The following RNF152 variants were observed in gnomAD, a reference collection of about 807,000 sequenced individuals.
RNF152 encodes the protein ring finger protein 152.
In RNF152, 11 loss-of-function variants were observed where a neutral mutation model predicts 12.7. The ratio of observed to expected loss-of-function variants is 0.86; its 90% CI spans 0.54 to 1.43. The LOEUF (loss-of-function observed/expected upper bound fraction) is 1.43. Among genes scored for constraint, RNF152 ranks in the 40% most tolerant of loss-of-function variants. The pLI, the probability that RNF152 is intolerant of heterozygous loss-of-function variation, is 0.00. For synonymous variants in RNF152, 113 were observed against 120.3 expected, an observed-to-expected ratio of 0.94 and a Z score of 0.40; for missense variants, 255 against 274.8, an observed-to-expected ratio of 0.93 and a Z score of 0.51.
chr18:61,863,625 T>G (rs1288503678), intron 1 of RNF152, among the ~76,000 whole-genome samples: 1 of 152,226 alleles, frequency 6.6e-6, no homozygotes, highest in East Asian at 1.9e-4. Context: ...TGTCTCCTTT[T>G]GTGCTTCTCA....
chr18:61,830,895 G>C (rs1909910443), intron 1 of RNF152, among the ~76,000 whole-genome samples: 1 of 152,198 alleles, frequency 6.6e-6, no homozygotes, highest in African/African-American at 2.4e-5. Context: ...AATACTCTCT[G>C]AATCTTGAGA....
chr18:61,825,836 G>T (rs4432347), intron 1 of RNF152, among the ~76,000 whole-genome samples: 19,307 of 152,072 alleles, frequency 0.13, 1,224 homozygotes, highest in Middle Eastern at 0.15. Context: ...TTAATAAAAT[G>T]AACTACACAT....
chr18:61,854,450 G>A (rs775547932), intron 1 of RNF152, among the ~76,000 whole-genome samples: 3 of 152,090 alleles, frequency 2.0e-5, no homozygotes, highest in East Asian at 1.9e-4. Context: ...AGGTAACACC[G>A]GTGTCTTCCA....
chr18:61,835,999 C>T (rs942378507), intron 1 of RNF152, among the ~76,000 whole-genome samples: 10 of 152,072 alleles, frequency 6.6e-5, no homozygotes, highest in Non-Finnish European at 2.9e-5. Flanking sequence ...AAATTGGAAC[C>T]ATCAGATTAC....
At chr18:61,885,985 C>CTTTTTTT (rs558169838) in intron 1 of RNF152, among the ~76,000 whole-genome samples, 8 of 81,694 alleles carry the variant, frequency 9.8e-5, no homozygotes, top group African/African-American at 1.8e-4. Context: ...CTTTTGCTTT[C>CTTTTTTT]TTTTTTTTTT....
rs193083825 is a variant in RNF152 at position 61,867,431 on chromosome 18, G to A, written c.-136+25364C>T. Among the ~76,000 whole-genome samples, 17 of 151,326 alleles carry A rather than the reference G, an allele frequency of 1.1e-4. No individual in the cohort carries two copies. The East Asian group carries it at 3.1e-3, about 28-fold the overall frequency. On this transcript the variant is annotated intron_variant, in intron 1 of 1. Transcript: ENST00000312828. ...TGCGCCATTGCACTCCAGCCTGGGC[G>A]ACAGAGTGAGACACCATCTCAAAAA...
chr18:61,835,218 A>G (rs1020939192), intron 1 of RNF152, among the ~76,000 whole-genome samples: 22 of 152,224 alleles, frequency 1.4e-4, no homozygotes, highest in African/African-American at 5.3e-4. Context: ...CATATTTACA[A>G]GGTAATTCAT....
At chr18:61,869,180 C>T (rs1441409602) in intron 1 of RNF152, among the ~76,000 whole-genome samples, 2 of 152,172 alleles carry the variant, frequency 1.3e-5, no homozygotes, top group East Asian at 3.9e-4. Flanking sequence ...TCACTGACCA[C>T]AAAACCCTAA....
At chr18:61,859,951 C>T (rs550533981) in intron 1 of RNF152, among the ~76,000 whole-genome samples, 12 of 152,146 alleles carry the variant, frequency 7.9e-5, no homozygotes, top group African/African-American at 1.9e-4. Context: ...ATTTGGAAAA[C>T]GGGTCACTGC....
intron 1 of RNF152, among the ~76,000 whole-genome samples, chr18:61,877,667 C>T (rs1912272693): frequency 6.6e-6 from 1 of 152,168 alleles, no homozygotes; most frequent in East Asian, 1.9e-4. Context: ...CAAATATTAT[C>T]ATCATCTCAT....
chr18:61,875,056 G>C (rs1912155184), intron 1 of RNF152: 1 of 152,240 alleles, frequency 6.6e-6, no homozygotes, highest in Admixed American at 6.5e-5. Flanking sequence ...GGCAGCAAAG[G>C]CCATTTCCAG....
chr18:61,863,659 C>T (rs745790120), intron 1 of RNF152, among the ~76,000 whole-genome samples: 56 of 152,298 alleles, frequency 3.7e-4, no homozygotes, highest in Middle Eastern at 3.4e-3. Context: ...CCTGTGTAAC[C>T]GTATGGCCTG....
intron 1 of RNF152, among the ~76,000 whole-genome samples, chr18:61,855,820 G>C (rs1306038464): frequency 2.0e-5 from 3 of 152,316 alleles, no homozygotes; most frequent in Non-Finnish European, 2.9e-5. Context: ...GCAATACCCA[G>C]GCAGAAGGTG....
chr18:61,845,129 AGGCTGGAGTGCAGT>A (rs1273225148), intron 1 of RNF152, among the ~76,000 whole-genome samples: 1 of 152,194 alleles, frequency 6.6e-6, no homozygotes, highest in African/African-American at 2.4e-5. Context: ...TCTGTTGCCC[AGGCTGGAGTGCAGT>A]GGCCTGATCA....
At chr18:61,883,489 C>T (rs1912557904) in intron 1 of RNF152, among the ~76,000 whole-genome samples, 1 of 152,170 alleles carries the variant, frequency 6.6e-6, no homozygotes, top group Admixed American at 6.5e-5. Context: ...GCTTGCTCCT[C>T]TCTTGTAGGA....
At chr18:61,848,453 C>A (rs1299262033) in intron 1 of RNF152, among the ~76,000 whole-genome samples, 1 of 152,208 alleles carries the variant, frequency 6.6e-6, no homozygotes, top group African/African-American at 2.4e-5. Flanking sequence ...GCTACCATCA[C>A]CTTCCCCCAG....
rs144649901 is a variant in RNF152 at position 61,840,209 on chromosome 18, G to A, written c.-135-23611C>T. ...TGGGCTCTTACCAGACACTGAATCT[G>A]CCAGCACCTTGATCTTGGATTTCCC... On this transcript the variant is annotated intron_variant, in intron 1 of 1. Transcript: ENST00000312828. Among the ~76,000 whole-genome samples, 244 of 152,322 alleles carry A rather than the reference G, an allele frequency of 1.6e-3. 1 individual carries two copies. The highest frequency in any genetic ancestry group is 5.3e-3 in the African/African-American group (221 of 41,574).
chr18:61,883,265 A>G (rs572312755), intron 1 of RNF152, among the ~76,000 whole-genome samples: 1 of 152,328 alleles, frequency 6.6e-6, no homozygotes, highest in Non-Finnish European at 1.5e-5. Context: ...CTGAGTGTCT[A>G]CTGTGTACCG....
rs2144594859 is a variant in RNF152 at position 61,809,930 on chromosome 18, T to C, written c.*5922A>G. The C allele has an allele frequency of 6.7e-6, 1 of 150,374 alleles. No homozygotes were observed. The highest frequency in any genetic ancestry group is 1.5e-5 in the Non-Finnish European group (1 of 67,836). 9.3% of individuals were successfully genotyped at this position (150,374 alleles called of 1,614,324 possible). A position where few individuals can be genotyped will look rare whatever the true frequency, so the allele number is the denominator to read the frequency against. On this transcript the variant is annotated 3_prime_UTR_variant, in exon 2 of 2. Coordinates refer to ENST00000312828, the MANE Select transcript of RNF152 (RefSeq NM_173557.3). ...TTGTGCAGAAAAATGGGAACCAAAT[T>C]GCAGGGATTCGGGAATAATGGTGCA...
Sources: allele counts gnomAD v4.1 joint callset (sites outside exome capture counted in the v4.1 genomes callset), GRCh38; gene constraint gnomAD v4.1.1; transcripts MANE v1.5; gene names NCBI Gene and HGNC (gene_info 2026-07-23, HGNC 2026-07-21).